The following EIF2AK1 variants were observed in gnomAD, a reference collection of about 807,000 sequenced individuals.
EIF2AK1 encodes eukaryotic translation initiation factor 2 alpha kinase 1, also known as eukaryotic translation initiation factor 2-alpha kinase 1.
In EIF2AK1, 54 loss-of-function variants were observed where a neutral mutation model predicts 77.9. That is an observed-to-expected ratio of 0.69 (90% confidence interval 0.56 to 0.87). The LOEUF is 0.87. Among genes scored for constraint, EIF2AK1 ranks in the 40% least tolerant of loss-of-function variants. The probability of loss-of-function intolerance (pLI) is 0.00; values close to 1 mark genes in which losing one functional copy is unlikely to be tolerated. For missense variants in EIF2AK1, 810 were observed against 768.6 expected (o/e 1.05, Z -0.64); for synonymous variants, 314 against 290.5 (o/e 1.08, Z -0.82).
intron 12 of EIF2AK1, 46 bp downstream of exon 12, chr7:6,028,872 T>C (rs190765940): frequency 1.0e-4 from 153 of 1,520,072 alleles, no homozygotes; most frequent in Admixed American, 8.2e-4. Flanking sequence ...TGTGCAACCA[T>C]GTCTTTTGCT....
In EIF2AK1 at chr7:6,035,509, G is replaced by C; in HGVS notation, c.1332+1915C>G. The C allele has an allele frequency of 6.4e-7, 1 of 1,551,114 alleles. No individual in the cohort carries two copies. The highest frequency in any genetic ancestry group is 8.7e-7 in the Non-Finnish European group (1 of 1,147,114). ...CACTGGCCAGTCACTTCCACCACGT[G>C]GGCAAAACCAGGCAACAGAACGCAC... is the stretch of plus-strand genomic sequence containing the variant. On this transcript the variant is annotated intron_variant, in intron 11 of 14. Coordinates refer to ENST00000199389, the MANE Select transcript of EIF2AK1 (RefSeq NM_014413.4). The surrounding 1 kb of genome is among the most constrained non-coding windows in gnomAD (Gnocchi z 5.5).
chr7:6,058,970 A>G lies in EIF2AK1; in HGVS notation c.114T>C (p.Tyr38=). The G allele has an allele frequency of 6.5e-7, 1 of 1,535,354 alleles. No individual in the cohort carries two copies. Among genetic ancestry groups the G allele is most frequent in the Non-Finnish European group, 8.7e-7 (1 of 1,143,618 alleles). Residue 38 remains tyrosine, a synonymous_variant, in exon 1 of 15, where the codon TAT becomes TAC. Transcript: ENST00000199389. The part of the protein sequence containing the change: ...DFPAEGPDPE[Y]DESDVPAEIQ... Reference sequence around the variant, plus strand: ...CGCCGCGATCCGATCCCTCACCGTCATATTCGGGGTCCGGGCCCTCGGCGG... The same window carrying G: ...CGCCGCGATCCGATCCCTCACCGTCGTATTCGGGGTCCGGGCCCTCGGCGG...
chr7:6,039,196 C>T (rs557784822), intron 9 of EIF2AK1, among the ~76,000 whole-genome samples: 2 of 152,120 alleles, frequency 1.3e-5, no homozygotes, highest in South Asian at 2.1e-4. Flanking sequence ...CTGTATATAC[C>T]ATCTGATTTA....
At chr7:6,042,790 C>T (rs1365380646) in intron 8 of EIF2AK1, 143 bp downstream of exon 8, 1 of 607,608 alleles carries the variant, frequency 1.6e-6, no homozygotes, top group African/African-American at 1.9e-5. Flanking sequence ...CACTGCAACA[C>T]AGGAGGCGGA....
At chr7:6,054,326 C>T in intron 2 of EIF2AK1, among the ~76,000 whole-genome samples, 1 of 152,138 alleles carries the variant, frequency 6.6e-6, no homozygotes, top group Non-Finnish European at 1.5e-5. Flanking sequence ...GCCTCAGCCT[C>T]CCGAGTAGCT....
Position 6,026,745 on chromosome 7 carries a change from A to G in EIF2AK1, c.1747T>C (p.Phe583Leu), listed in dbSNP as rs747694376. Reference sequence around the variant, plus strand: ...GCACATACATTTCCAGAATTTTGGAAAAGTTCACTCTGCAGCAGCTGAATG... The same window carrying G: ...GCACATACATTTCCAGAATTTTGGAGAAGTTCACTCTGCAGCAGCTGAATG... The part of the protein sequence containing the change: ...SAIQLLQSEL[F>L]QNSGNVNLTL... Residue 583 changes from phenylalanine to leucine, a missense_variant, in exon 14 of 15, where the codon TTC becomes CTC. By Grantham distance (22) the Phe-to-Leu change is conservative (BLOSUM62 0). This residue lies in a region of EIF2AK1 where 549 missense variants were observed against 533.7 expected (regional missense o/e 1.03). Coordinates refer to ENST00000199389, the MANE Select transcript of EIF2AK1 (RefSeq NM_014413.4). 2 of 1,614,156 alleles carry G rather than the reference A, an allele frequency of 1.2e-6. No homozygotes were observed. Among genetic ancestry groups the G allele is most frequent in the South Asian group, 1.1e-5 (1 of 91,090 alleles).
intron 2 of EIF2AK1, among the ~76,000 whole-genome samples, chr7:6,053,369 T>G (rs1420453103): frequency 1.3e-5 from 2 of 152,148 alleles, no homozygotes; most frequent in Non-Finnish European, 1.5e-5. Flanking sequence ...TTTTCGTTAT[T>G]TTTATTTTGT....
intron 14 of EIF2AK1, among the ~76,000 whole-genome samples, chr7:6,025,606 TG>T: frequency 6.6e-6 from 1 of 152,370 alleles, no homozygotes; most frequent in African/African-American, 2.4e-5. Context: ...TGCACAAATA[TG>T]AGTCTAAGCT....
intron 9 of EIF2AK1, among the ~76,000 whole-genome samples, chr7:6,040,510 C>T (rs983637144): frequency 2.0e-5 from 3 of 152,048 alleles, no homozygotes; most frequent in Non-Finnish European, 2.9e-5. Context: ...AAGAATATCC[C>T]GAATACTGAG....
chr7:6,056,611 A>AAAAAAAAAAAAAAAAAATAT (rs1788773483), intron 1 of EIF2AK1, among the ~76,000 whole-genome samples: 1 of 31,160 alleles, frequency 3.2e-5, no homozygotes, highest in Non-Finnish European at 7.7e-5. Flanking sequence ...AAAAAAAAAA[A>AAAAAAAAAAAAAAAAAATAT]AAATATATAT....
At chr7:6,052,811 C>T (rs1788645431) in intron 2 of EIF2AK1, among the ~76,000 whole-genome samples, 1 of 151,638 alleles carries the variant, frequency 6.6e-6, no homozygotes, top group African/African-American at 2.4e-5. Flanking sequence ...ATTAAAAATA[C>T]AAAAATTACC....
At chr7:6,031,766 CAT>C (rs750073558) in intron 11 of EIF2AK1, among the ~76,000 whole-genome samples, 5 of 152,212 alleles carry the variant, frequency 3.3e-5, no homozygotes, top group South Asian at 2.1e-4. Context: ...CTCCCCTACA[CAT>C]GTCACACACA....
Position 6,044,638 on chromosome 7 carries a change from C to T in EIF2AK1, c.654G>A (p.Leu218=), listed in dbSNP as rs1388348493. The change falls in exon 7 of 15, where the codon CTG becomes CTA. Residue 218 remains leucine, a synonymous_variant. Transcript: ENST00000199389. ...CAATATTGGGGTGCTGAAGACCTGC[C>T]AGCACCTTCACTTCCCGTAGGACCT... is the stretch of plus-strand genomic sequence containing the variant. The part of the protein sequence containing the change: ...CMKVLREVKV[L]AGLQHPNIVG... 1 of 1,613,914 alleles carries T rather than the reference C, an allele frequency of 6.2e-7. No individual in the cohort carries two copies. The highest frequency in any genetic ancestry group is 1.3e-5 in the African/African-American group (1 of 74,916).
intron 4 of EIF2AK1, among the ~76,000 whole-genome samples, chr7:6,047,540 G>T (rs1017782289): frequency 2.0e-5 from 3 of 151,970 alleles, no homozygotes; most frequent in Non-Finnish European, 4.4e-5. Context: ...GGGTGTGGTG[G>T]CGGGTGCCTG....
intron 4 of EIF2AK1, among the ~76,000 whole-genome samples, chr7:6,048,256 C>G (rs1471650421): frequency 6.6e-6 from 1 of 152,134 alleles, no homozygotes; most frequent in Non-Finnish European, 1.5e-5. Context: ...TCCCTTACCC[C>G]ACTCCCTGAA....
intron 7 of EIF2AK1, 91 bp downstream of exon 7, chr7:6,044,471 T>C (rs140942119): frequency 7.2e-6 from 7 of 978,434 alleles, no homozygotes; most frequent in East Asian, 2.6e-5. Flanking sequence ...TCTCAGCTTG[T>C]GGTATGTACA....
In EIF2AK1 at chr7:6,038,548, G is replaced by A. The variant is rs763686029; in HGVS notation, c.1231+12C>T. ...TCTATTTCCCGGCCCGGCAGACCCA[G>A]ATGGTACTCACAGGCAGACTCGTCC... is the stretch of plus-strand genomic sequence containing the variant. On this transcript the variant is annotated intron_variant, in intron 10 of 14. Transcript: ENST00000199389. 3.7e-6 allele frequency: 6 copies of A among 1,603,700 alleles called. No individual in the cohort carries two copies. The highest frequency in any genetic ancestry group is 5.1e-6 in the Non-Finnish European group (6 of 1,173,976).
chr7:6,041,737 A>AG (rs1788303731), intron 8 of EIF2AK1, among the ~76,000 whole-genome samples: 1 of 150,950 alleles, frequency 6.6e-6, no homozygotes, highest in Non-Finnish European at 1.5e-5. Flanking sequence ...GCTACTTAGG[A>AG]GGCTGAGGCA....
chr7:6,029,459 C>T lies in EIF2AK1; in HGVS notation c.1333-427G>A, dbSNP rs566863704. ...AGTGAACCAAGATTGTGGCATTGCA[C>T]TCCAGCCTGGGCAACAAGAGCAAAA... On this transcript the variant is annotated intron_variant, in intron 11 of 14. Coordinates refer to ENST00000199389, the MANE Select transcript of EIF2AK1 (RefSeq NM_014413.4). Among the ~76,000 whole-genome samples the T allele has an allele frequency of 1.4e-4, 22 of 152,012 alleles. No individual in the cohort carries two copies. The South Asian group carries it at 4.2e-3, about 29-fold the overall frequency.
Sources: allele counts gnomAD v4.1 joint callset (sites outside exome capture counted in the v4.1 genomes callset), GRCh38; gene constraint gnomAD v4.1.1; regional missense constraint gnomAD v4.1.1; non-coding constraint Gnocchi (gnomAD v3.1); transcripts MANE v1.5; gene names NCBI Gene and HGNC (gene_info 2026-07-23, HGNC 2026-07-21).